Variants in DTD1 observed in about 807,000 individuals in gnomAD.
DTD1 encodes D-tyrosyl-tRNA deacylase 1 homolog.
In DTD1, 13 loss-of-function variants were observed where a neutral mutation model predicts 25.6. The observed-to-expected ratio is 0.51, with a 90% CI of 0.33 to 0.81. The LOEUF (loss-of-function observed/expected upper bound fraction) is 0.81, where lower values mean the gene tolerates loss of function less well. Ranked by LOEUF, DTD1 falls within the 30% of genes least tolerant of loss-of-function variation. The pLI is 0.02. For missense variants in DTD1, 193 were observed against 266.4 expected, an observed-to-expected ratio of 0.72 and a Z score of 1.92; for synonymous variants, 110 against 103.6, an observed-to-expected ratio of 1.06 and a Z score of -0.37.
At chr20:18,695,958 G>A (rs764976655) in intron 4 of DTD1, among the ~76,000 whole-genome samples, 2 of 152,100 alleles carry the variant, frequency 1.3e-5, no homozygotes, top group East Asian at 1.9e-4. Flanking sequence ...GATTATAGGC[G>A]TGAGCCACTG....
intron 3 of DTD1, among the ~76,000 whole-genome samples, chr20:18,608,605 C>T (rs1355860641): frequency 6.6e-6 from 1 of 152,116 alleles, no homozygotes; most frequent in Non-Finnish European, 1.5e-5. Context: ...CTCTTTTCCC[C>T]ACTTTTGTGC....
At chr20:18,668,026 G>C (rs1425572273) in intron 4 of DTD1, among the ~76,000 whole-genome samples, 1 of 152,194 alleles carries the variant, frequency 6.6e-6, no homozygotes, top group Admixed American at 6.5e-5. Flanking sequence ...TTAGACAGAG[G>C]CTGCCAGTTC....
At chr20:18,732,486 G>T (rs1306490943) in intron 4 of DTD1, among the ~76,000 whole-genome samples, 1 of 152,216 alleles carries the variant, frequency 6.6e-6, no homozygotes, top group Non-Finnish European at 1.5e-5. Flanking sequence ...CACACACCAG[G>T]AGTACATGGG....
chr20:18,732,974 GT>G (rs2061243728), intron 4 of DTD1, among the ~76,000 whole-genome samples: 1 of 152,214 alleles, frequency 6.6e-6, no homozygotes, highest in South Asian at 2.1e-4. Flanking sequence ...ATGTTAACAT[GT>G]GGTTTTTTTC....
At chr20:18,733,605 C>T (rs1471696483) in intron 4 of DTD1, among the ~76,000 whole-genome samples, 2 of 152,172 alleles carry the variant, frequency 1.3e-5, no homozygotes, top group East Asian at 3.9e-4. Context: ...AAGGAGTAGA[C>T]CAAAGAGACT....
intron 5 of DTD1, among the ~76,000 whole-genome samples, chr20:18,753,462 G>T (rs1436261913): frequency 1.3e-5 from 2 of 151,964 alleles, no homozygotes; most frequent in African/African-American, 4.8e-5. Context: ...ACAAAAATTA[G>T]CCAGGTGTGG....
In DTD1 at chr20:18,738,964, A is replaced by G. The variant is rs559519573; in HGVS notation, c.478-5136A>G. 7.2e-5 allele frequency among the ~76,000 whole-genome samples: 11 copies of G among 152,258 alleles called. No homozygotes were observed. In the South Asian group the frequency reaches 2.3e-3, roughly 32 times the overall value. ...ATACATGTTTGAAAAGAAAGTGCGA[A>G]TGTTCTTAGGTAGCGCTTGTCCTCT... On this transcript the variant is annotated intron_variant, in intron 4 of 5. Coordinates refer to ENST00000377452, the MANE Select transcript of DTD1 (RefSeq NM_080820.6).
chr20:18,617,384 A>G (rs1017851392), intron 3 of DTD1, among the ~76,000 whole-genome samples: 5 of 149,856 alleles, frequency 3.3e-5, no homozygotes, highest in African/African-American at 1.2e-4. Flanking sequence ...TATAATGTAT[A>G]TACATATACA....
chr20:18,731,621 T>G (rs1170279825), intron 4 of DTD1, among the ~76,000 whole-genome samples: 1 of 152,240 alleles, frequency 6.6e-6, no homozygotes, highest in African/African-American at 2.4e-5. Flanking sequence ...TGCTATTTCT[T>G]GATTTATTAA....
At chr20:18,676,287 C>T (rs1223163012) in intron 4 of DTD1, among the ~76,000 whole-genome samples, 1 of 152,112 alleles carries the variant, frequency 6.6e-6, no homozygotes, top group Non-Finnish European at 1.5e-5. Context: ...TTGCAGGTGC[C>T]CCTTCCCCAC....
chr20:18,742,316 G>A (rs762548248), intron 4 of DTD1, among the ~76,000 whole-genome samples: 15 of 152,106 alleles, frequency 9.9e-5, no homozygotes, highest in Non-Finnish European at 2.1e-4. Flanking sequence ...ACCAAACTTA[G>A]CTGTATTCTA....
At chr20:18,612,985 T>C (rs1167157244) in intron 3 of DTD1, among the ~76,000 whole-genome samples, 1 of 152,164 alleles carries the variant, frequency 6.6e-6, no homozygotes, top group Non-Finnish European at 1.5e-5. Context: ...CTGTATTTAT[T>C]GAGTCTACTG....
chr20:18,625,328 A>G (rs1458087539), intron 3 of DTD1, among the ~76,000 whole-genome samples: 1 of 152,244 alleles, frequency 6.6e-6, no homozygotes, highest in Non-Finnish European at 1.5e-5. Context: ...TATTTTCACC[A>G]CCAAGTCACT....
chr20:18,692,354 C>T (rs1202723337), intron 4 of DTD1, among the ~76,000 whole-genome samples: 2 of 152,232 alleles, frequency 1.3e-5, no homozygotes, highest in African/African-American at 4.8e-5. Context: ...GTAGCATCTC[C>T]ATTCATATTT....
At chr20:18,626,206 G>A (rs1190725200) in intron 3 of DTD1, among the ~76,000 whole-genome samples, 2 of 152,218 alleles carry the variant, frequency 1.3e-5, no homozygotes, top group Non-Finnish European at 2.9e-5. Flanking sequence ...AACCATCCCA[G>A]GACAACTGTC....
intron 3 of DTD1, among the ~76,000 whole-genome samples, chr20:18,600,235 T>G (rs1249464997): frequency 1.3e-5 from 2 of 152,240 alleles, no homozygotes; most frequent in African/African-American, 4.8e-5. Flanking sequence ...TTTATAGGTT[T>G]GCATTTTACA....
intron 5 of DTD1, among the ~76,000 whole-genome samples, chr20:18,762,318 C>A (rs1884791): frequency 0.59 from 89,587 of 152,042 alleles, 26,905 homozygotes; most frequent in Non-Finnish European, 0.63. Flanking sequence ...TAGGCTTTAG[C>A]TTTAGTTTAA....
At chr20:18,724,332 A>C (rs984936867) in intron 4 of DTD1, among the ~76,000 whole-genome samples, 2 of 152,118 alleles carry the variant, frequency 1.3e-5, no homozygotes, top group African/African-American at 4.8e-5. Flanking sequence ...GGGCAGTGAC[A>C]CCTTTGTGAA....
intron 4 of DTD1, among the ~76,000 whole-genome samples, chr20:18,729,462 A>T (rs6081329): frequency 0.33 from 49,579 of 152,070 alleles, 8,470 homozygotes; most frequent in Non-Finnish European, 0.38. Context: ...TTTCAATTAA[A>T]TTTGCAGAAG....
Sources: gnomAD v4.1 joint callset for allele counts (sites outside exome capture counted in the v4.1 genomes callset) on GRCh38, gnomAD v4.1.1 for gene constraint, MANE v1.5 for transcripts, NCBI Gene and HGNC (gene_info 2026-07-23, HGNC 2026-07-21) for gene names.